RBFOX1: variants seen among roughly 807,000 people sequenced by gnomAD.
RBFOX1 encodes the protein RNA binding protein fox-1 homolog 1.
In RBFOX1, 8 loss-of-function variants were observed where a neutral mutation model predicts 57.7. That is an observed-to-expected ratio of 0.14 (90% confidence interval 0.08 to 0.25). RBFOX1 has a LOEUF of 0.25. Ranked by LOEUF, RBFOX1 falls within the 10% of genes least tolerant of loss-of-function variation. The pLI, the probability that RBFOX1 is intolerant of heterozygous loss-of-function variation, is 1.00. For missense variants in RBFOX1, 611 were observed against 548.5 expected, an observed-to-expected ratio of 1.11 and a Z score of -1.14; for synonymous variants, 326 against 222.4, an observed-to-expected ratio of 1.47 and a Z score of -4.15.
chr16:6,621,254 G>A (rs2098226246), intron 2 of RBFOX1, among the ~76,000 whole-genome samples: 1 of 152,176 alleles, frequency 6.6e-6, no homozygotes, highest in African/African-American at 2.4e-5. Flanking sequence ...AAGGTCAGGA[G>A]ATGGAGAGTA....
chr16:5,612,023 G>T (rs532011225), intron 3 of RBFOX1, among the ~76,000 whole-genome samples: 18 of 150,800 alleles, frequency 1.2e-4, no homozygotes, highest in African/African-American at 1.7e-4. Context: ...AGCTACTTGG[G>T]AGGCTGGGAT....
intron 1 of RBFOX1, among the ~76,000 whole-genome samples, chr16:6,309,642 A>G (rs900240472): frequency 6.6e-6 from 1 of 151,774 alleles, no homozygotes; most frequent in African/African-American, 2.4e-5. Flanking sequence ...CACACCAACA[A>G]TAAGGCTCAA....
intron 11 of RBFOX1, among the ~76,000 whole-genome samples, chr16:7,633,508 A>AT (rs1014806202): frequency 1.3e-5 from 2 of 151,972 alleles, no homozygotes; most frequent in South Asian, 2.1e-4. Context: ...GTTCATAGCA[A>AT]TTTTTTTTCA....
intron 1 of RBFOX1, among the ~76,000 whole-genome samples, chr16:6,302,235 G>A (rs2024386): frequency 0.023 from 3,483 of 150,812 alleles, 144 homozygotes; most frequent in African/African-American, 0.08. Context: ...TGAACATTTC[G>A]CAAACCTTTC....
chr16:7,534,086 CTT>C (rs529708813), intron 5 of RBFOX1, among the ~76,000 whole-genome samples: 7 of 129,906 alleles, frequency 5.4e-5, no homozygotes, highest in African/African-American at 8.6e-5. Flanking sequence ...CGTTTTTTTT[CTT>C]TTTTTTTTTT....
At chr16:5,896,622 C>G (rs1032239685) in intron 4 of RBFOX1, among the ~76,000 whole-genome samples, 28 of 152,178 alleles carry the variant, frequency 1.8e-4, no homozygotes, top group African/African-American at 6.5e-4. Flanking sequence ...ATTACCCAGC[C>G]TCAGGTATTC....
intron 14 of RBFOX1, among the ~76,000 whole-genome samples, chr16:7,704,403 C>A (rs187320081): frequency 6.6e-6 from 1 of 152,162 alleles, no homozygotes; most frequent in South Asian, 2.1e-4. Flanking sequence ...TACACTATTT[C>A]TAGAGTCCCC....
At chr16:7,088,449 G>C (rs1430169663) in intron 4 of RBFOX1, among the ~76,000 whole-genome samples, 1 of 152,120 alleles carries the variant, frequency 6.6e-6, no homozygotes, top group South Asian at 2.1e-4. Flanking sequence ...ATGTGTGTAT[G>C]TGAGAGTATA....
intron 2 of RBFOX1, among the ~76,000 whole-genome samples, chr16:5,486,525 A>G (rs1375782496): frequency 1.3e-5 from 2 of 152,216 alleles, no homozygotes; most frequent in Admixed American, 6.5e-5. Flanking sequence ...CTGTGCAGTG[A>G]CAACAGGCGT....
intron 2 of RBFOX1, among the ~76,000 whole-genome samples, chr16:6,648,548 C>T (rs565545055): frequency 7.9e-5 from 12 of 152,252 alleles, no homozygotes; most frequent in African/African-American, 2.4e-4. Flanking sequence ...CTGGAATTAC[C>T]CGCAGCCCTG....
chr16:7,131,761 C>T (rs983507955), intron 4 of RBFOX1, among the ~76,000 whole-genome samples: 1 of 152,044 alleles, frequency 6.6e-6, no homozygotes, highest in Non-Finnish European at 1.5e-5. Flanking sequence ...CTCAGGTTCT[C>T]TGAAGGAGCT....
intron 2 of RBFOX1, among the ~76,000 whole-genome samples, chr16:5,531,131 T>G (rs1162191259): frequency 1.3e-5 from 1 of 75,800 alleles, no homozygotes; most frequent in African/African-American, 3.8e-5. Flanking sequence ...ATCTCAAAAA[T>G]AAAATAAAAT....
chr16:7,505,881 C>A (rs145142076), intron 4 of RBFOX1, among the ~76,000 whole-genome samples: 2 of 151,988 alleles, frequency 1.3e-5, no homozygotes, highest in African/African-American at 4.8e-5. Context: ...CTTTAGAGTT[C>A]TTTGTTCAAG....
chr16:5,588,226 G>C (rs969119164), intron 2 of RBFOX1, among the ~76,000 whole-genome samples: 4 of 152,174 alleles, frequency 2.6e-5, no homozygotes, highest in Non-Finnish European at 5.9e-5. Flanking sequence ...GGGGGATGGA[G>C]GATGGAGGTG....
At chr16:7,348,109 C>T (rs1324708929) in intron 4 of RBFOX1, among the ~76,000 whole-genome samples, 1 of 152,220 alleles carries the variant, frequency 6.6e-6, no homozygotes. Flanking sequence ...TTGTTGCTTA[C>T]TTTTCTTACC....
At chr16:6,622,130 G>A (rs2098242069) in intron 2 of RBFOX1, among the ~76,000 whole-genome samples, 1 of 152,102 alleles carries the variant, frequency 6.6e-6, no homozygotes, top group Non-Finnish European at 1.5e-5. Flanking sequence ...CATATTGTAG[G>A]CATTCCTTAA....
intron 1 of RBFOX1, among the ~76,000 whole-genome samples, chr16:6,137,867 C>T (rs985596076): frequency 6.6e-6 from 1 of 152,082 alleles, no homozygotes; most frequent in East Asian, 1.9e-4. Flanking sequence ...GCCTCAATCT[C>T]CCAAAGTGTT....
At chr16:6,724,045 G>A (rs2066584858) in intron 3 of RBFOX1, among the ~76,000 whole-genome samples, 1 of 152,040 alleles carries the variant, frequency 6.6e-6, no homozygotes, top group South Asian at 2.1e-4. Context: ...TGTGTACCCT[G>A]AACATTTATA....
At chr16:6,418,476 C>G (rs1376975863) in intron 2 of RBFOX1, among the ~76,000 whole-genome samples, 1 of 149,732 alleles carries the variant, frequency 6.7e-6, no homozygotes, top group Non-Finnish European at 1.5e-5. Flanking sequence ...ACTTGGAATT[C>G]ACATCATCTA....
Sources: allele counts gnomAD v4.1 joint callset (sites outside exome capture counted in the v4.1 genomes callset), GRCh38; gene constraint gnomAD v4.1.1; transcripts MANE v1.5; gene names NCBI Gene and HGNC (gene_info 2026-07-23, HGNC 2026-07-21).